Variants in OPRL1 observed in about 807,000 individuals in gnomAD.
OPRL1 encodes the protein opioid related nociceptin receptor 1.
A neutral mutation model predicts 15.5 loss-of-function variants in OPRL1; 5 were observed. The ratio of observed to expected loss-of-function variants is 0.32; its 90% CI spans 0.17 to 0.68. The LOEUF (loss-of-function observed/expected upper bound fraction) is 0.68, where lower values mean the gene tolerates loss of function less well. Among genes scored for constraint, OPRL1 ranks in the 30% least tolerant of loss-of-function variants. The probability of loss-of-function intolerance (pLI) is 0.72; values close to 1 mark genes in which losing one functional copy is unlikely to be tolerated. For synonymous variants in OPRL1, 223 were observed against 230.2 expected, an observed-to-expected ratio of 0.97 and a Z score of 0.28; for missense variants, 406 against 515.3, an observed-to-expected ratio of 0.79 and a Z score of 2.05.
Position 64,083,746 on chromosome 20 carries a change from C to G in OPRL1, c.-185+3394C>G. ...AGCTGAGCGCGCGCCGAGCCCCGCCCCGCCCCGCCCCGGCCGGCTCCGCTC... is the reference window on the plus strand; with the variant it reads ...AGCTGAGCGCGCGCCGAGCCCCGCCGCGCCCCGCCCCGGCCGGCTCCGCTC... On this transcript the variant is annotated intron_variant, in intron 1 of 4. Transcript: ENST00000336866. The surrounding 1 kb of genome is among the most constrained non-coding windows in gnomAD (Gnocchi z 4.9). 7.5e-7 allele frequency: 1 copy of G among 1,337,944 alleles called. No individual in the cohort carries two copies. Among genetic ancestry groups the G allele is most frequent in the Non-Finnish European group, 9.5e-7 (1 of 1,050,622 alleles). 82.9% of individuals were successfully genotyped at this position (1,337,944 alleles called of 1,614,324 possible). A position where few individuals can be genotyped will look rare whatever the true frequency, so the allele number is the denominator to read the frequency against.
At chr20:64,088,446 C>T (rs1009607994) in intron 1 of OPRL1, among the ~76,000 whole-genome samples, 26 of 143,540 alleles carry the variant, frequency 1.8e-4, no homozygotes, top group East Asian at 2.1e-4. Context: ...TCAAGGGAGT[C>T]GGGGGACAGG....
intron 3 of OPRL1, among the ~76,000 whole-genome samples, chr20:64,095,785 G>T (rs1384767683): frequency 2.6e-5 from 4 of 152,012 alleles, no homozygotes; most frequent in Non-Finnish European, 5.9e-5. Flanking sequence ...TGTTATGTAG[G>T]TAGAGGCGGG....
chr20:64,096,076 G>A (rs1569277851), intron 3 of OPRL1, among the ~76,000 whole-genome samples: 1 of 152,134 alleles, frequency 6.6e-6, no homozygotes, highest in Admixed American at 6.5e-5. Context: ...TGTGGCTGGC[G>A]GGCGTGTCAC....
At chr20:64,085,847 C>A (rs1440597538) in intron 1 of OPRL1, among the ~76,000 whole-genome samples, 1 of 152,146 alleles carries the variant, frequency 6.6e-6, no homozygotes, top group African/African-American at 2.4e-5. Context: ...ACTGCCCTGG[C>A]CTCTCAGTAA....
At chr20:64,082,816 T>G (rs1159139183) in intron 1 of OPRL1, among the ~76,000 whole-genome samples, 94 of 32,728 alleles carry the variant, frequency 2.9e-3, no homozygotes, top group African/African-American at 9.6e-3. Flanking sequence ...GGTGTGTGTG[T>G]GTGGGGGGGT....
chr20:64,083,407 G>A lies in OPRL1; in HGVS notation c.-185+3055G>A, dbSNP rs1361528986. On this transcript the variant is annotated intron_variant, in intron 1 of 4. Transcript: ENST00000336866. The surrounding 1 kb of genome is among the most constrained non-coding windows in gnomAD (Gnocchi z 4.9). ...GAATTATAACTTTATGTGGGAGGCT[G>A]GGGCGCGTCGCACACTCTCAGTCGC... is the stretch of plus-strand genomic sequence containing the variant. 6.2e-7 allele frequency: 1 copy of A among 1,611,748 alleles called. No individual in the cohort carries two copies. The highest frequency in any genetic ancestry group is 8.5e-7 in the Non-Finnish European group (1 of 1,179,542).
intron 1 of OPRL1, among the ~76,000 whole-genome samples, chr20:64,082,542 C>T (rs1383987326): frequency 6.6e-6 from 1 of 152,168 alleles, no homozygotes; most frequent in Non-Finnish European, 1.5e-5. Flanking sequence ...GCTGGAGCCC[C>T]CTAGCAGGAG....
rs1461698281 is a variant in OPRL1 at position 64,098,258 on chromosome 20, C to T, written c.590-18C>T. On this transcript the variant is annotated intron_variant, in intron 4 of 4. Transcript: ENST00000336866. ...CACGTCTCCTGGGCCCACTCTGACC[C>T]CGTTTCTCTCCCTGCAGAGATCGAG... The T allele has an allele frequency of 6.2e-7, 1 of 1,607,478 alleles. No homozygotes were observed. Among genetic ancestry groups the T allele is most frequent in the Non-Finnish European group, 8.5e-7 (1 of 1,175,828 alleles).
chr20:64,083,697 C>G lies in OPRL1; in HGVS notation c.-185+3345C>G. 2.2e-6 allele frequency: 3 copies of G among 1,393,830 alleles called. No individual in the cohort carries two copies. The highest frequency in any genetic ancestry group is 2.8e-6 in the Non-Finnish European group (3 of 1,082,618). 86.3% of individuals were successfully genotyped at this position (1,393,830 alleles called of 1,614,324 possible). ...TCTGCCGCTGGATGAGCAGCGCGAT[C>G]TCCTCGGCCTGCGGGGCCCGGGTAG... On this transcript the variant is annotated intron_variant, in intron 1 of 4. Transcript: ENST00000336866. This position sits in a 1 kb window ranked among gnomAD's most constrained non-coding sequence, Gnocchi z 4.9.
At chr20:64,091,458 G>A (rs976438849) in intron 1 of OPRL1, among the ~76,000 whole-genome samples, 3 of 152,264 alleles carry the variant, frequency 2.0e-5, no homozygotes, top group African/African-American at 4.8e-5. Context: ...AGCAGTGGCC[G>A]GGTATGGTGG....
At chr20:64,085,401 G>C (rs1431003708) in intron 1 of OPRL1, among the ~76,000 whole-genome samples, 1 of 152,170 alleles carries the variant, frequency 6.6e-6, no homozygotes, top group African/African-American at 2.4e-5. Flanking sequence ...GGTCTCAGGG[G>C]TCCTGGTGTC....
Position 64,098,264 on chromosome 20 carries a change from C to G in OPRL1, c.590-12C>G, listed in dbSNP as rs2145628279. 3.1e-6 allele frequency: 5 copies of G among 1,608,452 alleles called. No homozygotes were observed. The East Asian group carries it at 1.1e-4, about 36-fold the overall frequency. On this transcript the variant is annotated splice_polypyrimidine_tract_variant and intron_variant, in intron 4 of 4. Coordinates refer to ENST00000336866, the MANE Select transcript of OPRL1 (RefSeq NM_182647.4). ...TCCTGGGCCCACTCTGACCCCGTTT[C>G]TCTCCCTGCAGAGATCGAGTGCCTG... is the stretch of plus-strand genomic sequence containing the variant.
rs1295780936 is a variant in OPRL1, at chr20:64,084,044, C to T, written c.-185+3692C>T. On this transcript the variant is annotated intron_variant, in intron 1 of 4. Transcript: ENST00000336866. ...GTCGCCGAAGAGCAGATGGCGGTGG[C>T]GCTGCGCAGGGAGCATGGCCGCCAG... is the stretch of plus-strand genomic sequence containing the variant. 7 of 1,502,002 alleles carry T rather than the reference C, an allele frequency of 4.7e-6. No homozygotes were observed. In the African/African-American group the frequency reaches 5.8e-5, roughly 12 times the overall value. 93.0% of individuals were successfully genotyped at this position (1,502,002 alleles called of 1,614,324 possible).
In OPRL1 at chr20:64,097,883, C is replaced by T. The variant is rs1979368152; in HGVS notation, c.315C>T (p.Pro105=). The change falls in exon 4 of 5, where the codon CCC becomes CCT. Residue 105 remains proline, a synonymous_variant. Coordinates refer to ENST00000336866, the MANE Select transcript of OPRL1 (RefSeq NM_182647.4). This position sits in a 1 kb window ranked among gnomAD's most constrained non-coding sequence, Gnocchi z 4.2. The part of the protein sequence containing the change: ...LADTLVLLTL[P]FQGTDILLGF... The stretch of plus-strand genomic sequence containing the variant: ...ACACTCTGGTCCTGCTGACGCTGCC[C>T]TTCCAGGGCACGGACATCCTCCTGG... 1 of 1,613,556 alleles carries T rather than the reference C, an allele frequency of 6.2e-7. No homozygotes were observed. Among genetic ancestry groups the T allele is most frequent in the Non-Finnish European group, 8.5e-7 (1 of 1,180,018 alleles).
rs571519301 is a variant in OPRL1, at chr20:64,097,472, G to A, written c.234-330G>A. On this transcript the variant is annotated intron_variant, in intron 3 of 4. Transcript: ENST00000336866. The surrounding 1 kb of genome is among the most constrained non-coding windows in gnomAD (Gnocchi z 4.2). The stretch of plus-strand genomic sequence containing the variant: ...CTTAGGGCTCTAAACCTTTGCTCCT[G>A]TGCAGAATCCGGGGTGTGTTCTGGT... Among the ~76,000 whole-genome samples the A allele has an allele frequency of 1.3e-5, 2 of 152,198 alleles. No homozygotes were observed. The highest frequency in any genetic ancestry group is 2.9e-5 in the Non-Finnish European group (2 of 68,036).
chr20:64,098,838 G>A lies in OPRL1; in HGVS notation c.*39G>A, dbSNP rs1979525188. The A allele has an allele frequency of 1.9e-6, 3 of 1,556,080 alleles. No individual in the cohort carries two copies. The South Asian group carries it at 3.6e-5, about 19-fold the overall frequency. On this transcript the variant is annotated 3_prime_UTR_variant, in exon 5 of 5. Transcript: ENST00000336866. Reference sequence around the variant, plus strand: ...TGCCCATGGTGCCTGTCAGCCCGCAGAGCCCATCTACGCCCAACACAGAGC... The same window carrying A: ...TGCCCATGGTGCCTGTCAGCCCGCAAAGCCCATCTACGCCCAACACAGAGC...
Position 64,084,000 on chromosome 20 carries a change from C to A in OPRL1, c.-185+3648C>A. The stretch of plus-strand genomic sequence containing the variant: ...CCGCACGGGAAGGTGGAGGCCGCCG[C>A]GCCCACGTCCTCCAGCAGGTCGCCG... On this transcript the variant is annotated intron_variant, in intron 1 of 4. Transcript: ENST00000336866. The surrounding 1 kb of genome is among the most constrained non-coding windows in gnomAD (Gnocchi z 4.9). 1.3e-6 allele frequency: 2 copies of A among 1,491,760 alleles called. No individual in the cohort carries two copies. The highest frequency in any genetic ancestry group is 1.8e-6 in the Non-Finnish European group (2 of 1,129,354). 92.4% of individuals were successfully genotyped at this position (1,491,760 alleles called of 1,614,324 possible). A position where few individuals can be genotyped will look rare whatever the true frequency, so the allele number is the denominator to read the frequency against.
chr20:64,088,545 C>G (rs1437121334), intron 1 of OPRL1, among the ~76,000 whole-genome samples: 9 of 139,606 alleles, frequency 6.4e-5, no homozygotes, highest in African/African-American at 1.9e-4. Context: ...ACGGTCTGTG[C>G]CAGGTTTTGG....
chr20:64,098,991 G>A lies in OPRL1; in HGVS notation c.*192G>A, dbSNP rs1383004840. 4 of 777,490 alleles carry A rather than the reference G, an allele frequency of 5.1e-6. No individual in the cohort carries two copies. The highest frequency in any genetic ancestry group is 1.8e-5 in the African/African-American group (1 of 57,114). 48.2% of individuals were successfully genotyped at this position (777,490 alleles called of 1,614,324 possible). The stretch of plus-strand genomic sequence containing the variant: ...GAGGACCTAGTGACATCATGGGACA[G>A]GTCAAAGCATTAGGGCCACCTCCAT... On this transcript the variant is annotated 3_prime_UTR_variant, in exon 5 of 5. Coordinates refer to ENST00000336866, the MANE Select transcript of OPRL1 (RefSeq NM_182647.4).
Sources: allele counts gnomAD v4.1 joint callset (sites outside exome capture counted in the v4.1 genomes callset), GRCh38; gene constraint gnomAD v4.1.1; non-coding constraint Gnocchi (gnomAD v3.1); transcripts MANE v1.5; gene names NCBI Gene and HGNC (gene_info 2026-07-23, HGNC 2026-07-21).